PUDP: variants seen among roughly 807,000 people sequenced by gnomAD.
The protein encoded by PUDP is pseudouridine 5'-phosphatase.
PUDP carries 8 observed loss-of-function variants against 9.4 expected under a neutral mutation model. That is an observed-to-expected ratio of 0.85 (90% CI 0.50 to 1.53). The LOEUF (loss-of-function observed/expected upper bound fraction) is 1.53, where lower values mean the gene tolerates loss of function less well. Among genes scored for constraint, PUDP ranks in the 40% most tolerant of loss-of-function variants. The pLI is 0.00. For missense variants in PUDP, 188 were observed against 189.7 expected (o/e 0.99, Z 0.05); for synonymous variants, 99 against 80.7 (o/e 1.23, Z -1.22).
intron 3 of PUDP, among the ~76,000 whole-genome samples, chrX:6,920,218 T>C (rs1761451360): frequency 1.8e-5 from 2 of 110,943 alleles, no homozygotes; most frequent in African/African-American, 6.6e-5. Flanking sequence ...TCTCTGCTTC[T>C]GTGAGTCACT....
At chrX:6,856,289 T>C (rs1416550341) in intron 3 of PUDP, among the ~76,000 whole-genome samples, 1 of 111,577 alleles carries the variant, frequency 9.0e-6, no homozygotes, top group Non-Finnish European at 1.9e-5. Context: ...ATCAGAGGGA[T>C]TTAGAAGTAA....
intron 3 of PUDP, among the ~76,000 whole-genome samples, chrX:6,928,853 G>A (rs929556148): frequency 9.0e-6 from 1 of 111,341 alleles, no homozygotes; most frequent in Non-Finnish European, 1.9e-5. Context: ...AGCCCAGATC[G>A]TGCCACCACT....
At chrX:6,774,684 G>A (rs1925420133) in intron 3 of PUDP, among the ~76,000 whole-genome samples, 1 of 111,960 alleles carries the variant, frequency 8.9e-6, no homozygotes, top group Admixed American at 9.5e-5. Context: ...GCTGGTTCAT[G>A]GACACACAGT....
chrX:7,073,547 C>T lies in PUDP; in HGVS notation c.510+3673G>A, dbSNP rs1044461620. ...CTCCTGTGAGCTCACACCCACACTGCGGGCAAGAAGCAGCAGCAGGGCCTG... is the reference window on the plus strand; with the variant it reads ...CTCCTGTGAGCTCACACCCACACTGTGGGCAAGAAGCAGCAGCAGGGCCTG... On this transcript the variant is annotated intron_variant, in intron 3 of 3. Transcript: ENST00000381077. Among the ~76,000 whole-genome samples, 6 of 112,699 alleles carry T rather than the reference C, an allele frequency of 5.3e-5. No individual in the cohort carries two copies. In the East Asian group the frequency reaches 1.1e-3, roughly 21 times the overall value.
At chrX:6,880,935 T>C (rs1427561694) in intron 3 of PUDP, among the ~76,000 whole-genome samples, 2 of 112,751 alleles carry the variant, frequency 1.8e-5, no homozygotes, top group African/African-American at 6.4e-5. Context: ...GCATGTACTC[T>C]TCTCTCATGA....
chrX:6,705,926 TAATA>T (rs1924464605), intron 2 of PUDP, among the ~76,000 whole-genome samples: 1 of 112,237 alleles, frequency 8.9e-6, no homozygotes, highest in Non-Finnish European at 1.9e-5. Context: ...ATTACTTAAA[TAATA>T]AACAAAATGT....
At chrX:6,954,160 C>T (rs1928593632) in intron 3 of PUDP, among the ~76,000 whole-genome samples, 1 of 111,101 alleles carries the variant, frequency 9.0e-6, no homozygotes, top group Non-Finnish European at 1.9e-5. Context: ...ATATAAATTA[C>T]CCAGTCTCGG....
intron 2 of PUDP, among the ~76,000 whole-genome samples, chrX:7,103,647 T>C (rs1270272863): frequency 8.9e-6 from 1 of 112,050 alleles, no homozygotes; most frequent in Non-Finnish European, 1.9e-5. Context: ...TGGTCATAAG[T>C]CATATGTCTG....
chrX:6,850,569 C>T (rs1214362416), intron 3 of PUDP, among the ~76,000 whole-genome samples: 1 of 112,452 alleles, frequency 8.9e-6, no homozygotes, highest in Non-Finnish European at 1.9e-5. Flanking sequence ...AGAAAATTCA[C>T]ACAAGAAAGA....
At chrX:6,755,031 G>A (rs773931335) in intron 3 of PUDP, among the ~76,000 whole-genome samples, 2 of 111,605 alleles carry the variant, frequency 1.8e-5, no homozygotes, top group East Asian at 2.8e-4. Context: ...GTGCTGGAGT[G>A]CTGTCTTGTG....
intron 3 of PUDP, among the ~76,000 whole-genome samples, chrX:6,883,008 GGA>G (rs1176705465): frequency 1.8e-5 from 2 of 111,479 alleles, no homozygotes; most frequent in Non-Finnish European, 3.8e-5. Context: ...ATTCCCTTCT[GGA>G]AGCCTTGGTT....
At chrX:7,006,338 C>T (rs1323071961) in intron 1 of PUDP, among the ~76,000 whole-genome samples, 1 of 111,894 alleles carries the variant, frequency 8.9e-6, no homozygotes, top group Non-Finnish European at 1.9e-5. Flanking sequence ...CTCATTAACA[C>T]ATTATTTTCC....
chrX:6,833,709 A>G (rs1260564021), intron 3 of PUDP, among the ~76,000 whole-genome samples: 3 of 112,311 alleles, frequency 2.7e-5, no homozygotes, highest in Non-Finnish European at 5.6e-5. Context: ...ATCAAAAAGA[A>G]TCTAACATTT....
At chrX:6,822,236 C>A (rs1281788834) in intron 3 of PUDP, among the ~76,000 whole-genome samples, 2 of 111,790 alleles carry the variant, frequency 1.8e-5, no homozygotes, top group Non-Finnish European at 3.8e-5. Flanking sequence ...GGCCTTCATT[C>A]AAGAGGGGCC....
At chrX:6,783,943 G>T (rs1448786252) in intron 3 of PUDP, among the ~76,000 whole-genome samples, 1 of 111,546 alleles carries the variant, frequency 9.0e-6, no homozygotes, top group Non-Finnish European at 1.9e-5. Context: ...CAAGAAGTGT[G>T]AGCAGATTTA....
At chrX:7,030,308 T>C (rs1371215604) in intron 1 of PUDP, among the ~76,000 whole-genome samples, 4 of 110,925 alleles carry the variant, frequency 3.6e-5, no homozygotes, top group Non-Finnish European at 7.5e-5. Context: ...ACCTGCCCCA[T>C]GGTGTGCTAG....
chrX:6,930,205 G>A (rs1199643432), intron 3 of PUDP, among the ~76,000 whole-genome samples: 2 of 110,673 alleles, frequency 1.8e-5, no homozygotes, highest in African/African-American at 6.6e-5. Flanking sequence ...ACAAGGGCTG[G>A]GTAAAATGAG....
chrX:7,009,249 A>G (rs5935994), intron 1 of PUDP, among the ~76,000 whole-genome samples: 40,532 of 111,131 alleles, frequency 0.36, 5,510 homozygotes, highest in Non-Finnish European at 0.41. Flanking sequence ...TCTTCCTATG[A>G]ATCAAAGGAA....
intron 3 of PUDP, among the ~76,000 whole-genome samples, chrX:6,752,985 G>T (rs1212182403): frequency 9.0e-6 from 1 of 111,039 alleles, no homozygotes; most frequent in Non-Finnish European, 1.9e-5. Flanking sequence ...ATATGGTTTG[G>T]CTGTGTCCCC....
Sources: allele counts gnomAD v4.1 joint callset (sites outside exome capture counted in the v4.1 genomes callset), GRCh38; gene constraint gnomAD v4.1.1; transcripts MANE v1.5; gene names NCBI Gene and HGNC (gene_info 2026-07-23, HGNC 2026-07-21).